The following KCNJ6 variants were observed in gnomAD, a reference collection of about 807,000 sequenced individuals.
KCNJ6 encodes the protein potassium inwardly rectifying channel subfamily J member 6.
Under a neutral mutation model 34.2 loss-of-function variants are expected in KCNJ6, and 9 were observed. That is an observed-to-expected ratio of 0.26 (90% CI 0.16 to 0.46). KCNJ6 has a LOEUF of 0.46. Among genes scored for constraint, KCNJ6 ranks in the 20% least tolerant of loss-of-function variants. The pLI is 1.00. For synonymous variants in KCNJ6, 196 were observed against 207.1 expected (o/e 0.95, Z 0.46); for missense variants, 236 against 531.3 (o/e 0.44, Z 5.46).
Position 37,852,903 on chromosome 21 carries a change from C to T in KCNJ6, c.-27-12194G>A, listed in dbSNP as rs1363282452. ...TGAAATAAAAAACTCAATCGATGGGCTGAACAGCAGGGTGGGTAAGACAGA... is the reference window on the plus strand; with the variant it reads ...TGAAATAAAAAACTCAATCGATGGGTTGAACAGCAGGGTGGGTAAGACAGA... On this transcript the variant is annotated intron_variant, in intron 1 of 3. Transcript: ENST00000609713. 3.3e-5 allele frequency among the ~76,000 whole-genome samples: 5 copies of T among 151,922 alleles called. No homozygotes were observed. The East Asian group carries it at 7.7e-4, about 23-fold the overall frequency.
chr21:37,847,343 C>T (rs149867913), intron 1 of KCNJ6, among the ~76,000 whole-genome samples: 5 of 152,202 alleles, frequency 3.3e-5, no homozygotes, highest in Non-Finnish European at 1.5e-5. Flanking sequence ...CCAGATCACA[C>T]GGCTGGTGAG....
At chr21:37,665,758 G>A (rs956978008) in intron 3 of KCNJ6, among the ~76,000 whole-genome samples, 22 of 152,328 alleles carry the variant, frequency 1.4e-4, no homozygotes, top group Admixed American at 2.6e-4. Context: ...GTAGCCGAGC[G>A]TTGCTGCTGT....
chr21:37,851,899 CT>C lies in KCNJ6; in HGVS notation c.-27-11191del, dbSNP rs60086556. On this transcript the variant is annotated intron_variant, in intron 1 of 3. Coordinates refer to ENST00000609713, the MANE Select transcript of KCNJ6 (RefSeq NM_002240.5). Reference sequence around the variant, plus strand: ...AACATGGGAGTGAGCTCTCTGAGTTCTTTTTTTTTTTTTCTATATTGTTTAT... The same window carrying C: ...AACATGGGAGTGAGCTCTCTGAGTTCTTTTTTTTTTTTCTATATTGTTTAT... Among the ~76,000 whole-genome samples the C allele has an allele frequency of 8.7e-3, 1,266 of 144,818 alleles. 17 individuals carry two copies. The highest frequency in any genetic ancestry group is 0.026 in the African/African-American group (999 of 39,154).
chr21:37,785,361 A>T (rs528108205), intron 2 of KCNJ6, among the ~76,000 whole-genome samples: 4 of 152,246 alleles, frequency 2.6e-5, no homozygotes, highest in Non-Finnish European at 5.9e-5. Context: ...GCTTAAGCTG[A>T]GGAAAAACCA....
chr21:37,841,248 C>T (rs376758798), intron 1 of KCNJ6, among the ~76,000 whole-genome samples: 23 of 151,956 alleles, frequency 1.5e-4, no homozygotes, highest in African/African-American at 4.3e-4. Flanking sequence ...TTGTTTTAAC[C>T]GAGATATAGG....
rs59026391 is a variant in KCNJ6 at position 37,661,614 on chromosome 21, G to GTTTTTTTTTTTTTTTTTTTTTTTTTT, written c.947-36156_947-36131dup. On this transcript the variant is annotated intron_variant, in intron 3 of 3. Coordinates refer to ENST00000609713, the MANE Select transcript of KCNJ6 (RefSeq NM_002240.5). ...TCCACCCATTTCCTTAAGAGACATA[G>GTTTTTTTTTTTTTTTTTTTTTTTTTT]TTTTTTTTTTTTTTTTTTTTTTTTT... Among the ~76,000 whole-genome samples, 6 of 71,196 alleles carry GTTTTTTTTTTTTTTTTTTTTTTTTTT rather than the reference G, an allele frequency of 8.4e-5. 2 individuals are homozygous for GTTTTTTTTTTTTTTTTTTTTTTTTTT. Among genetic ancestry groups the GTTTTTTTTTTTTTTTTTTTTTTTTTT allele is most frequent in the African/African-American group, 2.7e-4 (5 of 18,704 alleles). The allele number at this position is 71,196 out of a possible 152,430, so 46.7% of individuals were successfully genotyped here.
intron 2 of KCNJ6, among the ~76,000 whole-genome samples, chr21:37,744,674 A>G (rs995867603): frequency 6.6e-6 from 1 of 152,148 alleles, no homozygotes; most frequent in Non-Finnish European, 1.5e-5. Context: ...AGGCCTGGTA[A>G]TTTATCTCCT....
At chr21:37,640,801 C>G (rs544494326) in intron 3 of KCNJ6, among the ~76,000 whole-genome samples, 1 of 152,294 alleles carries the variant, frequency 6.6e-6, no homozygotes, top group South Asian at 2.1e-4. Context: ...CTTTTTGAGG[C>G]AAGGACCCTT....
At chr21:37,835,438 G>A (rs2211846) in intron 2 of KCNJ6, among the ~76,000 whole-genome samples, 28,555 of 152,146 alleles carry the variant, frequency 0.19, 2,755 homozygotes, top group South Asian at 0.29. Context: ...GACTTCCTGC[G>A]CTGTATTTGA....
chr21:37,656,171 C>G (rs184170143), intron 3 of KCNJ6, among the ~76,000 whole-genome samples: 1 of 152,326 alleles, frequency 6.6e-6, no homozygotes, highest in African/African-American at 2.4e-5. Context: ...CTGGCATCAG[C>G]TGGCCACACC....
rs151078528 is a variant in KCNJ6 at position 37,650,879 on chromosome 21, C to G, written c.947-25395G>C. On this transcript the variant is annotated intron_variant, in intron 3 of 3. Transcript: ENST00000609713. ...CAATGAGATTTGTATCTCTTGTATA[C>G]CATAAGCTCGATAAATACTTGATAA... Among the ~76,000 whole-genome samples, 13 of 152,282 alleles carry G rather than the reference C, an allele frequency of 8.5e-5. No individual in the cohort carries two copies. In the East Asian group the frequency reaches 2.3e-3, roughly 27 times the overall value.
chr21:37,782,813 A>G (rs1304662996), intron 2 of KCNJ6, among the ~76,000 whole-genome samples: 1 of 152,174 alleles, frequency 6.6e-6, no homozygotes, highest in African/African-American at 2.4e-5. Context: ...TGCCCAGGGC[A>G]GTCTGGATTA....
At chr21:37,782,760 T>C (rs1383393579) in intron 2 of KCNJ6, among the ~76,000 whole-genome samples, 1 of 152,206 alleles carries the variant, frequency 6.6e-6, no homozygotes. Context: ...GCCTCTGCCC[T>C]TGTCCACCTA....
intron 1 of KCNJ6, among the ~76,000 whole-genome samples, chr21:37,854,960 A>G (rs940256560): frequency 1.3e-5 from 2 of 152,244 alleles, no homozygotes; most frequent in African/African-American, 2.4e-5. Context: ...ACAACTACAG[A>G]GAAAATCGGT....
At chr21:37,631,337 C>T (rs2054332828) in intron 3 of KCNJ6, among the ~76,000 whole-genome samples, 1 of 152,142 alleles carries the variant, frequency 6.6e-6, no homozygotes. Flanking sequence ...CTGCTTCCAG[C>T]GTCATGTCTG....
At chr21:37,833,357 T>C (rs2055436117) in intron 2 of KCNJ6, among the ~76,000 whole-genome samples, 1 of 152,186 alleles carries the variant, frequency 6.6e-6, no homozygotes, top group South Asian at 2.1e-4. Flanking sequence ...CCCTCTGTCT[T>C]CTGGTGACCA....
chr21:37,813,323 G>C (rs954132729), intron 2 of KCNJ6, among the ~76,000 whole-genome samples: 2 of 151,974 alleles, frequency 1.3e-5, no homozygotes, highest in South Asian at 4.1e-4. Flanking sequence ...TTAAAATGTC[G>C]ATACTACCCA....
At position 37,609,920 on chromosome 21, in the gene KCNJ6, A is replaced by C. The variant is rs148257812; in HGVS notation, c.*15239T>G. On this transcript the variant is annotated 3_prime_UTR_variant, in exon 4 of 4. Transcript: ENST00000609713. Reference sequence around the variant, plus strand: ...TTCCTTGGACATTTTTCTACTGCAGAGAAGACCACAGTGCATGTCCAGTAG... The same window carrying C: ...TTCCTTGGACATTTTTCTACTGCAGCGAAGACCACAGTGCATGTCCAGTAG... 6.6e-6 allele frequency: 1 copy of C among 152,316 alleles called. No individual in the cohort carries two copies. Among genetic ancestry groups the C allele is most frequent in the African/African-American group, 2.4e-5 (1 of 41,566 alleles). The allele number at this position is 152,316 out of a possible 1,614,324, so 9.4% of individuals were successfully genotyped here.
chr21:37,818,195 TGTGTGTGTGTGCGTGC>T (rs770914886), intron 2 of KCNJ6, among the ~76,000 whole-genome samples: 197 of 41,824 alleles, frequency 4.7e-3, no homozygotes, highest in Non-Finnish European at 5.4e-3. Context: ...TAAAAGTGCG[TGTGTGTGTGTGCGTGC>T]GTGTGTGTGT....
Sources: gnomAD v4.1 joint callset for allele counts (sites outside exome capture counted in the v4.1 genomes callset) on GRCh38, gnomAD v4.1.1 for gene constraint, MANE v1.5 for transcripts, NCBI Gene and HGNC (gene_info 2026-07-23, HGNC 2026-07-21) for gene names.